Variants in XRCC6 observed in about 807,000 individuals in gnomAD.
The protein encoded by XRCC6 is DNA repair protein Ku70.
In XRCC6, 5 loss-of-function variants were observed where a neutral mutation model predicts 65.7. The ratio of observed to expected loss-of-function variants is 0.08; its 90% CI spans 0.04 to 0.16. The LOEUF is 0.16. Ranked by LOEUF, XRCC6 falls within the 10% of genes least tolerant of loss-of-function variation. The pLI is 1.00. For synonymous variants in XRCC6, 270 were observed against 270.6 expected (o/e 1.00, Z 0.02); for missense variants, 447 against 738.1 (o/e 0.61, Z 4.57).
At chr22:41,623,757 G>T (rs990318924) in intron 2 of XRCC6, among the ~76,000 whole-genome samples, 24 of 151,840 alleles carry the variant, frequency 1.6e-4, no homozygotes, top group Non-Finnish European at 2.6e-4. Flanking sequence ...GTCTTGCTCT[G>T]TCGCCCAGGC....
intron 1 of XRCC6, 72 bp from the exon 2 acceptor site, chr22:41,621,918 C>T (rs1456286290): frequency 2.1e-6 from 3 of 1,446,816 alleles, no homozygotes; most frequent in Non-Finnish European, 2.9e-6. Context: ...GAACAGATCT[C>T]ACAAGAACCT....
At chr22:41,651,606 C>T (rs944755347) in intron 8 of XRCC6, among the ~76,000 whole-genome samples, 1 of 150,862 alleles carries the variant, frequency 6.6e-6, no homozygotes, top group Non-Finnish European at 1.5e-5. Context: ...CGGCTCACTG[C>T]AACCTCCACC....
chr22:41,627,466 C>G (rs1026160006), intron 2 of XRCC6, among the ~76,000 whole-genome samples: 4 of 151,978 alleles, frequency 2.6e-5, no homozygotes, highest in African/African-American at 9.7e-5. Context: ...ACAAAATTAG[C>G]TGGGAGTGGT....
chr22:41,651,596 C>T lies in XRCC6; in HGVS notation c.1129+705C>T, dbSNP rs566656730. On this transcript the variant is annotated intron_variant, in intron 8 of 12. Transcript: ENST00000360079. ...AGGCTGGAGTGTAATGGTGCAATCT[C>T]GGCTCACTGCAACCTCCACCTCCCT... Among the ~76,000 whole-genome samples the T allele has an allele frequency of 1.1e-4, 17 of 150,478 alleles. No individual in the cohort carries two copies. The South Asian group carries it at 1.5e-3, about 13-fold the overall frequency.
Position 41,632,826 on chromosome 22 carries a change from GAAA to G in XRCC6, c.196-3274_196-3272del, listed in dbSNP as rs774575798. ...CAACAGAGTAAGACCCTGTCTCTTG[GAAA>G]AAAAAAAAAAAAGAAAAGGCTGGGC... On this transcript the variant is annotated intron_variant, in intron 3 of 12. Transcript: ENST00000360079. Among the ~76,000 whole-genome samples, 42 of 130,058 alleles carry G rather than the reference GAAA, an allele frequency of 3.2e-4. 1 individual carries two copies. The East Asian group carries it at 3.6e-3, about 11-fold the overall frequency. The allele number at this position is 130,058 out of a possible 152,430, so 85.3% of individuals were successfully genotyped here.
rs576934271 is a variant in XRCC6, at chr22:41,636,801, G to A, written c.589+31G>A. 3.8e-6 allele frequency: 6 copies of A among 1,597,366 alleles called. No individual in the cohort carries two copies. In the African/African-American group the frequency reaches 4.1e-5, roughly 11 times the overall value. On this transcript the variant is annotated intron_variant, in intron 5 of 12. Coordinates refer to ENST00000360079, the MANE Select transcript of XRCC6 (RefSeq NM_001469.5). ...CATATTTCCCCGTTCTCTTAAATTG[G>A]CACTTAATTATTGTTTTTTTATTTT... is the stretch of plus-strand genomic sequence containing the variant.
At chr22:41,643,133 C>T (rs769783040) in intron 6 of XRCC6, among the ~76,000 whole-genome samples, 1 of 152,220 alleles carries the variant, frequency 6.6e-6, no homozygotes, top group Non-Finnish European at 1.5e-5. Context: ...TATAGCTGGC[C>T]GGGTGCGGTG....
intron 6 of XRCC6, among the ~76,000 whole-genome samples, chr22:41,640,544 C>G (rs1293593462): frequency 3.3e-5 from 5 of 152,184 alleles, no homozygotes; most frequent in Admixed American, 3.3e-4. Flanking sequence ...AGCTTTCATT[C>G]TGGAGTGGTT....
chr22:41,635,761 C>T (rs536185293), intron 3 of XRCC6, among the ~76,000 whole-genome samples: 104 of 151,800 alleles, frequency 6.9e-4, no homozygotes, highest in Non-Finnish European at 1.2e-3. Flanking sequence ...AGGCTGGTCT[C>T]GATCTCCTAG....
intron 12 of XRCC6, chr22:41,661,783 T>G (rs1191999470): frequency 5.2e-6 from 1 of 193,366 alleles, no homozygotes; most frequent in Non-Finnish European, 1.1e-5. Flanking sequence ...CAAAGAGATA[T>G]GTGCACTCCC....
At chr22:41,648,650 A>G (rs1160795639) in intron 7 of XRCC6, among the ~76,000 whole-genome samples, 1 of 152,196 alleles carries the variant, frequency 6.6e-6, no homozygotes, top group Admixed American at 6.6e-5. Flanking sequence ...TGCTTCCTGT[A>G]TGCAAAATGT....
chr22:41,640,193 G>C (rs2067860561), intron 6 of XRCC6, among the ~76,000 whole-genome samples: 1 of 151,694 alleles, frequency 6.6e-6, no homozygotes. Flanking sequence ...CTGTCGCCCA[G>C]GCTGGAGTGC....
rs370820046 is a variant in XRCC6 at position 41,636,902 on chromosome 22, T to C, written c.589+132T>C. The C allele has an allele frequency of 1.1e-4, 128 of 1,215,886 alleles. No homozygotes were observed. The Middle Eastern group carries it at 3.1e-3, about 30-fold the overall frequency. 75.3% of individuals were successfully genotyped at this position (1,215,886 alleles called of 1,614,324 possible). ...AGCTGGGACTATAAGCATGTGCTGT[T>C]GTGCCCAGTGCAGTTTTATTGCTTT... On this transcript the variant is annotated intron_variant, in intron 5 of 12. Transcript: ENST00000360079.
At chr22:41,661,240 C>A in intron 11 of XRCC6, 91 bp from the exon 12 acceptor site, 1 of 1,110,240 alleles carries the variant, frequency 9.0e-7, no homozygotes, top group Non-Finnish European at 1.3e-6. Context: ...GTTAGGTGCT[C>A]TCTCTTCTGG....
rs1435149794 is a variant in XRCC6 at position 41,650,777 on chromosome 22, C to A, written c.1015C>A (p.Arg339=). The change falls in exon 8 of 13, where the codon CGG becomes AGG. Residue 339 remains arginine, a synonymous_variant. Transcript: ENST00000360079. ...LEKEETEELK[R]FDDPGLMLMG... ...GAAAGAGGAAACAGAAGAGCTAAAA[C>A]GGTTTGATGATCCAGGTTTGATGCT... The A allele has an allele frequency of 1.2e-5, 19 of 1,613,626 alleles. No individual in the cohort carries two copies. The highest frequency in any genetic ancestry group is 1.6e-5 in the Non-Finnish European group (19 of 1,179,784).
intron 8 of XRCC6, among the ~76,000 whole-genome samples, chr22:41,652,460 G>T (rs9611638): frequency 6.6e-6 from 1 of 151,066 alleles, no homozygotes; most frequent in African/African-American, 2.4e-5. Flanking sequence ...CAAGCTCCCA[G>T]GCTCAGGTGA....
rs768011409 is a variant in XRCC6 at position 41,657,048 on chromosome 22, G to T, written c.1421+16G>T. The T allele has an allele frequency of 2.6e-6, 4 of 1,550,708 alleles. No individual in the cohort carries two copies. The Admixed American group carries it at 6.6e-5, about 25-fold the overall frequency. On this transcript the variant is annotated intron_variant, in intron 10 of 12. Transcript: ENST00000360079. ...TCACATACAGGTGAGTCAATCTCAG[G>T]CTTTCTGGAACTGCCTCCTGAGTTG...
chr22:41,632,392 C>T (rs2067765080), intron 3 of XRCC6, among the ~76,000 whole-genome samples: 1 of 151,856 alleles, frequency 6.6e-6, no homozygotes, highest in Admixed American at 6.6e-5. Context: ...GAGTGAATCA[C>T]TTGAGGTCAG....
In XRCC6 at chr22:41,657,101, T is replaced by C. The variant is rs545158553; in HGVS notation, c.1421+69T>C. On this transcript the variant is annotated intron_variant, in intron 10 of 12. Transcript: ENST00000360079. Reference sequence around the variant, plus strand: ...AATCTTATTAGAAACAGCTTGGGCATAGGCCAAGAGAATGGCACTACTCTT... The same window carrying C: ...AATCTTATTAGAAACAGCTTGGGCACAGGCCAAGAGAATGGCACTACTCTT... The C allele has an allele frequency of 6.6e-6, 10 of 1,506,356 alleles. No individual in the cohort carries two copies. In the Admixed American group the frequency reaches 2.2e-4, roughly 33 times the overall value. 93.3% of individuals were successfully genotyped at this position (1,506,356 alleles called of 1,614,324 possible).
Sources: gnomAD v4.1 joint callset for allele counts (sites outside exome capture counted in the v4.1 genomes callset) on GRCh38, gnomAD v4.1.1 for gene constraint, MANE v1.5 for transcripts, NCBI Gene and HGNC (gene_info 2026-07-23, HGNC 2026-07-21) for gene names.